The following PRKN variants were observed in gnomAD, a reference collection of about 807,000 sequenced individuals.
PRKN encodes the protein E3 ubiquitin-protein ligase parkin.
PRKN carries 56 observed loss-of-function variants against 59.5 expected under a neutral mutation model. The ratio of observed to expected loss-of-function variants is 0.94; its 90% CI spans 0.76 to 1.18. The LOEUF (loss-of-function observed/expected upper bound fraction) is 1.18, where lower values mean the gene tolerates loss of function less well. Ranked by LOEUF, PRKN falls within the 50% of genes most tolerant of loss-of-function variation. The pLI is 0.00. For missense variants in PRKN, 657 were observed against 596.4 expected (o/e 1.10, Z -1.06); for synonymous variants, 250 against 222.1 (o/e 1.13, Z -1.12).
At chr6:161,938,850 G>C (rs1779449389) in intron 6 of PRKN, among the ~76,000 whole-genome samples, 1 of 152,118 alleles carries the variant, frequency 6.6e-6, no homozygotes, top group Middle Eastern at 3.2e-3. Context: ...TGCATTTATT[G>C]TCAGATACGT....
chr6:162,207,867 A>G (rs571347387), intron 3 of PRKN, among the ~76,000 whole-genome samples: 1 of 152,258 alleles, frequency 6.6e-6, no homozygotes, highest in South Asian at 2.1e-4. Context: ...ATTCTCCCAT[A>G]TTTTTAATGG....
chr6:161,913,893 ACTCT>A (rs1778457919), intron 6 of PRKN, among the ~76,000 whole-genome samples: 1 of 152,130 alleles, frequency 6.6e-6, no homozygotes, highest in African/African-American at 2.4e-5. Context: ...ACCAGAGCTC[ACTCT>A]CTGTCATGTA....
chr6:162,449,738 C>T (rs1790499268), intron 1 of PRKN, among the ~76,000 whole-genome samples: 1 of 152,126 alleles, frequency 6.6e-6, no homozygotes, highest in African/African-American at 2.4e-5. Flanking sequence ...CCCACTTATA[C>T]ATAGAGGCCA....
intron 4 of PRKN, among the ~76,000 whole-genome samples, chr6:162,102,828 G>A (rs1324306158): frequency 1.4e-5 from 2 of 145,266 alleles, no homozygotes; most frequent in African/African-American, 5.7e-5. Context: ...CGGATCACGA[G>A]GTCAGGAGAT....
chr6:162,051,193 A>G (rs1267039298), intron 5 of PRKN, among the ~76,000 whole-genome samples: 1 of 152,142 alleles, frequency 6.6e-6, no homozygotes, highest in African/African-American at 2.4e-5. Flanking sequence ...TCCACACTGC[A>G]GAAGGGATTT....
chr6:161,972,110 A>C (rs940817323), intron 6 of PRKN, among the ~76,000 whole-genome samples: 1 of 152,020 alleles, frequency 6.6e-6, no homozygotes, highest in Non-Finnish European at 1.5e-5. Flanking sequence ...CCCCGTCTCT[A>C]CTAAAAATAC....
chr6:162,274,509 C>T (rs1048903730), intron 2 of PRKN, among the ~76,000 whole-genome samples: 1 of 151,930 alleles, frequency 6.6e-6, no homozygotes, highest in Non-Finnish European at 1.5e-5. Flanking sequence ...TTTATTAAGA[C>T]ATAACTAATA....
chr6:161,898,467 T>C (rs545772707), intron 6 of PRKN, among the ~76,000 whole-genome samples: 4 of 152,302 alleles, frequency 2.6e-5, no homozygotes, highest in South Asian at 4.1e-4. Flanking sequence ...GTTCTCCAAA[T>C]GGATATAATT....
chr6:161,841,602 G>A (rs1001581392), intron 6 of PRKN, among the ~76,000 whole-genome samples: 2 of 151,946 alleles, frequency 1.3e-5, no homozygotes, highest in Non-Finnish European at 2.9e-5. Flanking sequence ...TGCCCACCTC[G>A]GCCTCCCAAA....
At chr6:162,010,296 A>G (rs951315992) in intron 5 of PRKN, among the ~76,000 whole-genome samples, 1 of 124,658 alleles carries the variant, frequency 8.0e-6, no homozygotes, top group African/African-American at 3.1e-5. Context: ...TATATTTTAT[A>G]TATTTATTAT....
chr6:162,411,750 A>G (rs944339954), intron 2 of PRKN, among the ~76,000 whole-genome samples: 7 of 152,120 alleles, frequency 4.6e-5, no homozygotes, highest in Admixed American at 1.3e-4. Flanking sequence ...ACTGGAGACA[A>G]ATATAACCAT....
At position 161,530,738 on chromosome 6, in the gene PRKN, G is replaced by C. The variant is rs984120591; in HGVS notation, c.1083+18116C>G. 6.6e-6 allele frequency among the ~76,000 whole-genome samples: 1 copy of C among 151,628 alleles called. No individual in the cohort carries two copies. The highest frequency in any genetic ancestry group is 2.4e-5 in the African/African-American group (1 of 41,288). The stretch of plus-strand genomic sequence containing the variant: ...TCTCTATGTTGGTCAGGCCAGTCTC[G>C]AACTCCTGACCTCAGGTGATCCGCC... On this transcript the variant is annotated intron_variant, in intron 9 of 11. Coordinates refer to ENST00000366898, the MANE Select transcript of PRKN (RefSeq NM_004562.3). The surrounding 1 kb of genome is among the most constrained non-coding windows in gnomAD (Gnocchi z 5.0).
chr6:162,391,337 A>C (rs376611337), intron 2 of PRKN, among the ~76,000 whole-genome samples: 9 of 144,882 alleles, frequency 6.2e-5, no homozygotes, highest in Admixed American at 2.1e-4. Context: ...GGATTTCGAA[A>C]ATCTGCAATG....
chr6:161,494,715 T>C (rs1436471101), intron 9 of PRKN, among the ~76,000 whole-genome samples: 1 of 152,236 alleles, frequency 6.6e-6, no homozygotes, highest in African/African-American at 2.4e-5. Flanking sequence ...AATAAGCACA[T>C]GTATTCCCAT....
At chr6:162,450,718 C>T (rs954015281) in intron 1 of PRKN, among the ~76,000 whole-genome samples, 1 of 152,146 alleles carries the variant, frequency 6.6e-6, no homozygotes, top group African/African-American at 2.4e-5. Flanking sequence ...CTTTCAAGGT[C>T]ATCCAAAACA....
intron 9 of PRKN, among the ~76,000 whole-genome samples, chr6:161,415,901 G>C (rs1731515290): frequency 6.6e-6 from 1 of 151,910 alleles, no homozygotes; most frequent in Admixed American, 6.6e-5. Flanking sequence ...ACATGCCGTG[G>C]GCTTTCATCC....
At chr6:162,121,286 G>A (rs756545289) in intron 4 of PRKN, among the ~76,000 whole-genome samples, 18 of 152,024 alleles carry the variant, frequency 1.2e-4, no homozygotes, top group South Asian at 2.1e-4. Context: ...ATGCCAACCC[G>A]TGGAAAATAA....
At chr6:161,736,106 C>A (rs939342507) in intron 7 of PRKN, among the ~76,000 whole-genome samples, 4 of 152,138 alleles carry the variant, frequency 2.6e-5, no homozygotes, top group African/African-American at 9.7e-5. Flanking sequence ...ACTCATTCAT[C>A]CATTCATTCA....
At chr6:161,967,951 TG>T (rs1437052768) in intron 6 of PRKN, among the ~76,000 whole-genome samples, 2 of 152,170 alleles carry the variant, frequency 1.3e-5, no homozygotes, top group African/African-American at 4.8e-5. Context: ...GGTGAAGGAC[TG>T]ATTTATCTTA....
Sources: gnomAD v4.1 joint callset for allele counts (sites outside exome capture counted in the v4.1 genomes callset) on GRCh38, gnomAD v4.1.1 for gene constraint, Gnocchi (gnomAD v3.1) non-coding constraint, MANE v1.5 for transcripts, NCBI Gene and HGNC (gene_info 2026-07-23, HGNC 2026-07-21) for gene names.